Variants in CAMSAP1 observed in about 807,000 individuals in gnomAD.
CAMSAP1 encodes the protein calmodulin-regulated spectrin-associated protein 1.
In CAMSAP1, 58 loss-of-function variants were observed where a neutral mutation model predicts 143.5. That is an observed-to-expected ratio of 0.40 (90% confidence interval 0.33 to 0.50). The LOEUF (loss-of-function observed/expected upper bound fraction) is 0.50, where lower values mean the gene tolerates loss of function less well. Among genes scored for constraint, CAMSAP1 ranks in the 20% least tolerant of loss-of-function variants. The probability of loss-of-function intolerance (pLI) is 0.45; values close to 1 mark genes in which losing one functional copy is unlikely to be tolerated. For missense variants in CAMSAP1, 1,969 were observed against 2,115.7 expected (o/e 0.93, Z 1.36); for synonymous variants, 945 against 859.3 (o/e 1.10, Z -1.74).
In CAMSAP1 at chr9:135,885,334, G is replaced by A. The variant is rs1209074671; in HGVS notation, c.161-2256C>T. Among the ~76,000 whole-genome samples the A allele has an allele frequency of 3.3e-5, 5 of 152,100 alleles. No individual in the cohort carries two copies. In the East Asian group the frequency reaches 5.8e-4, roughly 18 times the overall value. On this transcript the variant is annotated intron_variant, in intron 1 of 16. Coordinates refer to ENST00000389532, the MANE Select transcript of CAMSAP1 (RefSeq NM_015447.4). ...TGACATCTCCATGTAGATGTCTGGGGGCACCTCGAGCCTAACCGGCCTGGT... is the reference window on the plus strand; with the variant it reads ...TGACATCTCCATGTAGATGTCTGGGAGCACCTCGAGCCTAACCGGCCTGGT...
At chr9:135,898,754 A>AT (rs1838529454) in intron 1 of CAMSAP1, among the ~76,000 whole-genome samples, 1 of 152,230 alleles carries the variant, frequency 6.6e-6, no homozygotes, top group South Asian at 2.1e-4. Flanking sequence ...TGGAATTCAC[A>AT]TAAGCTGCTG....
intron 7 of CAMSAP1, among the ~76,000 whole-genome samples, chr9:135,829,170 A>G (rs544615292): frequency 2.0e-5 from 3 of 152,358 alleles, no homozygotes; most frequent in Admixed American, 6.5e-5. Flanking sequence ...CTGTATTACC[A>G]TAACAGTGGT....
rs1257832243 is a variant in CAMSAP1 at position 135,824,614 on chromosome 9, G to A, written c.1315+175C>T. On this transcript the variant is annotated intron_variant, in intron 9 of 16. Transcript: ENST00000389532. The surrounding 1 kb of genome is among the most constrained non-coding windows in gnomAD (Gnocchi z 4.1). Reference sequence around the variant, plus strand: ...AGGGAGTCAGAGGCTGCAGTGAGCCGAGATCGCGCCACAGCACTTCAGCCT... The same window carrying A: ...AGGGAGTCAGAGGCTGCAGTGAGCCAAGATCGCGCCACAGCACTTCAGCCT... 6.6e-6 allele frequency among the ~76,000 whole-genome samples: 1 copy of A among 152,116 alleles called. No homozygotes were observed. The highest frequency in any genetic ancestry group is 2.4e-5 in the African/African-American group (1 of 41,406).
intron 3 of CAMSAP1, among the ~76,000 whole-genome samples, chr9:135,874,716 T>C (rs1010685468): frequency 3.9e-5 from 6 of 151,996 alleles, no homozygotes. Context: ...ACATATTAAA[T>C]AGTAATACAA....
rs1447805307 is a variant in CAMSAP1, at chr9:135,818,446, T to C, written c.4130A>G (p.Glu1377Gly). The C allele has an allele frequency of 1.3e-6, 2 of 1,599,434 alleles. No homozygotes were observed. Among genetic ancestry groups the C allele is most frequent in the Non-Finnish European group, 1.7e-6 (2 of 1,176,876 alleles). ...CTTGGTGCCGGAGTCGCTGCACGAC[T>C]CTTCCCGGTGCACCGACTTCGGCCG... ...KPRPKSVHREESCSDSGTKCS... is the reference protein window; with the variant it reads ...KPRPKSVHREGSCSDSGTKCS... The change falls in exon 13 of 17, where the codon GAG becomes GGG. Residue 1377 changes from glutamate to glycine, a missense_variant. By Grantham distance (98) the Glu-to-Gly change is moderately conservative. Around this residue, in one of 4 missense-constraint regions of CAMSAP1, gnomAD observed 1,390 missense variants for 1,420.8 expected, o/e 0.98. Coordinates refer to ENST00000389532, the MANE Select transcript of CAMSAP1 (RefSeq NM_015447.4). The surrounding 1 kb of genome is among the most constrained non-coding windows in gnomAD (Gnocchi z 7.7).
intron 1 of CAMSAP1, among the ~76,000 whole-genome samples, chr9:135,886,598 C>A (rs1042521667): frequency 6.6e-6 from 1 of 152,198 alleles, no homozygotes; most frequent in Non-Finnish European, 1.5e-5. Flanking sequence ...CTGGGCCCTG[C>A]GGGATCTGTC....
Position 135,822,740 on chromosome 9 carries a change from T to A in CAMSAP1, c.1921A>T (p.Thr641Ser). ...GTCCTATTCAAGTCGCGACTGCCAG[T>A]CATTTTCCTTCGTACCAAAGGCTGG... ...GPQPLVRRKMTGSRDLNRTFT... is the reference protein window; with the variant it reads ...GPQPLVRRKMSGSRDLNRTFT... Residue 641 changes from threonine (T) to serine (S), a missense_variant, in exon 11 of 17, where the codon ACT becomes TCT. Thr to Ser is a moderately conservative substitution (Grantham distance 58). Around this residue, in one of 4 missense-constraint regions of CAMSAP1, gnomAD observed 1,390 missense variants for 1,420.8 expected, o/e 0.98. Transcript: ENST00000389532. The surrounding 1 kb of genome is among the most constrained non-coding windows in gnomAD (Gnocchi z 6.1). The A allele has an allele frequency of 6.2e-7, 1 of 1,612,700 alleles. No individual in the cohort carries two copies. The highest frequency in any genetic ancestry group is 8.5e-7 in the Non-Finnish European group (1 of 1,179,230).
Position 135,811,569 on chromosome 9 carries a change from G to GA in CAMSAP1, c.4548dup (p.Arg1517SerfsTer2). ...GCCCTGAACTGGCAGCCAGCATCAC[G>GA]AAACAGTATGATGTAGTGATTGGCA... is the stretch of plus-strand genomic sequence containing the variant. On this transcript the variant is annotated frameshift_variant, in exon 17 of 17. Coordinates refer to ENST00000389532, the MANE Select transcript of CAMSAP1 (RefSeq NM_015447.4). LOFTEE classifies it high-confidence loss of function. This position sits in a 1 kb window ranked among gnomAD's most constrained non-coding sequence, Gnocchi z 4.9. 1.3e-6 allele frequency: 2 copies of GA among 1,599,316 alleles called. No homozygotes were observed. The highest frequency in any genetic ancestry group is 1.7e-6 in the Non-Finnish European group (2 of 1,172,556).
intron 7 of CAMSAP1, chr9:135,837,083 C>T (rs932102785): frequency 1.6e-4 from 84 of 516,294 alleles, no homozygotes; most frequent in Middle Eastern, 9.8e-4. Context: ...CACATCATCA[C>T]GCACTTTCTA....
intron 7 of CAMSAP1, among the ~76,000 whole-genome samples, chr9:135,834,010 A>AT (rs1271077595): frequency 7.2e-5 from 11 of 152,176 alleles, no homozygotes; most frequent in Admixed American, 7.2e-4. Context: ...TTAAATAGGC[A>AT]TTTTTTTCCA....
chr9:135,887,065 G>T (rs1838146418), intron 1 of CAMSAP1, among the ~76,000 whole-genome samples: 1 of 152,170 alleles, frequency 6.6e-6, no homozygotes, highest in African/African-American at 2.4e-5. Context: ...CTGGAGACGT[G>T]CTTTGGAACC....
chr9:135,836,059 T>C, intron 7 of CAMSAP1: 1 of 957,138 alleles, frequency 1.0e-6, no homozygotes, highest in Non-Finnish European at 1.2e-6. Context: ...TTTTCAGAGC[T>C]TCTCTTATCC....
intron 5 of CAMSAP1, among the ~76,000 whole-genome samples, chr9:135,859,167 T>C (rs1320914790): frequency 6.6e-6 from 1 of 152,248 alleles, no homozygotes; most frequent in Non-Finnish European, 1.5e-5. Flanking sequence ...TACTGATTCT[T>C]TGGGATCTGC....
At chr9:135,853,996 C>A (rs1367181137) in intron 5 of CAMSAP1, among the ~76,000 whole-genome samples, 1 of 152,250 alleles carries the variant, frequency 6.6e-6, no homozygotes, top group Non-Finnish European at 1.5e-5. Context: ...GATTTTCAAT[C>A]CATACTAACA....
chr9:135,828,898 T>A (rs894605017), intron 7 of CAMSAP1, among the ~76,000 whole-genome samples: 3 of 152,164 alleles, frequency 2.0e-5, no homozygotes, highest in Admixed American at 6.5e-5. Flanking sequence ...TGGGATGATA[T>A]ATTCAAAACG....
Position 135,824,720 on chromosome 9 carries a change from G to C in CAMSAP1, c.1315+69C>G. 1 of 1,122,136 alleles carries C rather than the reference G, an allele frequency of 8.9e-7. No individual in the cohort carries two copies. Among genetic ancestry groups the C allele is most frequent in the Non-Finnish European group, 1.3e-6 (1 of 795,882 alleles). 69.5% of individuals were successfully genotyped at this position (1,122,136 alleles called of 1,614,324 possible). ...ACATCAGATAAAATGATTTAATTTTGAGAAATATGATTTTACTAATCTATA... is the reference window on the plus strand; with the variant it reads ...ACATCAGATAAAATGATTTAATTTTCAGAAATATGATTTTACTAATCTATA... On this transcript the variant is annotated intron_variant, in intron 9 of 16. Coordinates refer to ENST00000389532, the MANE Select transcript of CAMSAP1 (RefSeq NM_015447.4). The surrounding 1 kb of genome is among the most constrained non-coding windows in gnomAD (Gnocchi z 4.1).
intron 1 of CAMSAP1, among the ~76,000 whole-genome samples, chr9:135,896,563 T>C (rs1198277694): frequency 6.6e-6 from 1 of 152,170 alleles, no homozygotes; most frequent in East Asian, 1.9e-4. Context: ...AGCAGAATAC[T>C]CATTTTTTTC....
At chr9:135,838,439 ACAT>A (rs149991511) in intron 7 of CAMSAP1, among the ~76,000 whole-genome samples, 29 of 142,910 alleles carry the variant, frequency 2.0e-4, no homozygotes, top group African/African-American at 5.6e-4. Flanking sequence ...CTACAGACAC[ACAT>A]CATCACGCAC....
chr9:135,902,108 A>G (rs74937254), intron 1 of CAMSAP1, among the ~76,000 whole-genome samples: 3,476 of 152,334 alleles, frequency 0.023, 55 homozygotes, highest in Non-Finnish European at 0.036. Flanking sequence ...ACACCTCTGC[A>G]GAGGAAAGGT....
Sources: allele counts gnomAD v4.1 joint callset (sites outside exome capture counted in the v4.1 genomes callset), GRCh38; gene constraint gnomAD v4.1.1; regional missense constraint gnomAD v4.1.1; non-coding constraint Gnocchi (gnomAD v3.1); transcripts MANE v1.5; gene names NCBI Gene and HGNC (gene_info 2026-07-23, HGNC 2026-07-21).